Variants in OXSR1 observed in about 807,000 individuals in gnomAD.
OXSR1 encodes oxidative stress responsive kinase 1.
Under a neutral mutation model 79.8 loss-of-function variants are expected in OXSR1, and 24 were observed. The observed-to-expected ratio is 0.30, with a 90% CI of 0.22 to 0.42. The LOEUF is 0.42. Ranked by LOEUF, OXSR1 falls within the 10% of genes least tolerant of loss-of-function variation. The pLI is 1.00. For missense variants in OXSR1, 430 were observed against 618.4 expected (o/e 0.70, Z 3.23); for synonymous variants, 226 against 209.2 (o/e 1.08, Z -0.69).
chr3:38,184,899 A>ATTTGTTTTTTTTTTTTTTT (rs1701850921), intron 2 of OXSR1, among the ~76,000 whole-genome samples: 1 of 72,742 alleles, frequency 1.4e-5, no homozygotes, highest in African/African-American at 5.1e-5. Context: ...TAGAAAGAAC[A>ATTTGTTTTTTTTTTTTTTT]TTTCTTTTTT....
chr3:38,254,849 G>C lies in OXSR1; in HGVS notation c.*1958G>C, dbSNP rs978366814. The stretch of plus-strand genomic sequence containing the variant: ...GGGAGTGAGCAGCAGCCCATCCCCT[G>C]TTCACTTTCTCTAGCCCATCATTAC... On this transcript the variant is annotated 3_prime_UTR_variant, in exon 18 of 18. Coordinates refer to ENST00000311806, the MANE Select transcript of OXSR1 (RefSeq NM_005109.3). 1 of 152,482 alleles carries C rather than the reference G, an allele frequency of 6.6e-6. No individual in the cohort carries two copies. The highest frequency in any genetic ancestry group is 2.4e-5 in the African/African-American group (1 of 41,370). The allele number at this position is 152,482 out of a possible 1,614,324, so 9.4% of individuals were successfully genotyped here. A position where few individuals can be genotyped will look rare whatever the true frequency, so the allele number is the denominator to read the frequency against.
At chr3:38,199,211 T>C (rs1488991091) in intron 4 of OXSR1, among the ~76,000 whole-genome samples, 1 of 152,080 alleles carries the variant, frequency 6.6e-6, no homozygotes, top group Non-Finnish European at 1.5e-5. Context: ...ATATTTTCAG[T>C]ATTTCCCTAA....
upstream of OXSR1, among the ~76,000 whole-genome samples, chr3:38,164,888 T>C (rs1453050361): frequency 6.6e-6 from 1 of 151,866 alleles, no homozygotes; most frequent in East Asian, 1.9e-4. Flanking sequence ...CCAGGCAAAC[T>C]TCCAGTTTCA....
intron 2 of OXSR1, among the ~76,000 whole-genome samples, chr3:38,186,637 CTT>C (rs1701891126): frequency 6.6e-6 from 1 of 152,086 alleles, no homozygotes; most frequent in Non-Finnish European, 1.5e-5. Flanking sequence ...TGTATCAGTT[CTT>C]TTTTCCTTTT....
chr3:38,186,758 T>C (rs1044212304), intron 2 of OXSR1, among the ~76,000 whole-genome samples: 1 of 152,216 alleles, frequency 6.6e-6, no homozygotes, highest in African/African-American at 2.4e-5. Flanking sequence ...ATCAGTAATA[T>C]TGTGATGAAC....
intron 4 of OXSR1, among the ~76,000 whole-genome samples, chr3:38,205,076 C>G (rs1034160159): frequency 1.3e-5 from 2 of 152,088 alleles, no homozygotes; most frequent in African/African-American, 4.8e-5. Context: ...CCTGGTGTTG[C>G]GTTCTGCTGT....
chr3:38,199,988 A>G (rs974560270), intron 4 of OXSR1, among the ~76,000 whole-genome samples: 9 of 152,086 alleles, frequency 5.9e-5, no homozygotes, highest in Non-Finnish European at 1.0e-4. Flanking sequence ...GAGTGGGGAA[A>G]CACTGGACCT....
intron 4 of OXSR1, among the ~76,000 whole-genome samples, chr3:38,214,866 T>G (rs1458114487): frequency 6.6e-6 from 1 of 152,182 alleles, no homozygotes; most frequent in African/African-American, 2.4e-5. Context: ...TATCTAAACA[T>G]GGAGGAAAAA....
intron 11 of OXSR1, among the ~76,000 whole-genome samples, chr3:38,241,442 G>A (rs940538922): frequency 1.3e-5 from 2 of 152,062 alleles, no homozygotes; most frequent in African/African-American, 4.8e-5. Context: ...TGACATTTAC[G>A]CTATAAATTA....
At position 38,197,031 on chromosome 3, in the gene OXSR1, T is replaced by C. The variant is rs189099881; in HGVS notation, c.293-1691T>C. On this transcript the variant is annotated intron_variant, in intron 3 of 17. Transcript: ENST00000311806. ...TTGTTTTCTTACTAAGCAGTACTTA[T>C]GTGGCCTGGATTTCCTGAACGGTGA... Among the ~76,000 whole-genome samples the C allele has an allele frequency of 5.3e-5, 8 of 152,380 alleles. No individual in the cohort carries two copies. In the East Asian group the frequency reaches 1.2e-3, roughly 22 times the overall value.
At chr3:38,166,052 C>T in intron 1 of OXSR1, 106 bp downstream of exon 1, 2 of 960,812 alleles carry the variant, frequency 2.1e-6, no homozygotes, top group South Asian at 2.8e-5. Context: ...CATAGGAATT[C>T]GTGGGGCGCT....
chr3:38,204,912 C>T (rs1376269660), intron 4 of OXSR1, among the ~76,000 whole-genome samples: 3 of 152,114 alleles, frequency 2.0e-5, no homozygotes, highest in African/African-American at 7.2e-5. Context: ...TCTTTGTAGC[C>T]TTGACTGCCT....
At chr3:38,176,387 C>T (rs1701677234) in intron 1 of OXSR1, among the ~76,000 whole-genome samples, 2 of 152,068 alleles carry the variant, frequency 1.3e-5, no homozygotes, top group South Asian at 4.1e-4. Flanking sequence ...TCTTCCATAT[C>T]GTATTTACAT....
At chr3:38,196,663 T>C (rs767755992) in intron 3 of OXSR1, among the ~76,000 whole-genome samples, 1 of 152,356 alleles carries the variant, frequency 6.6e-6, no homozygotes, top group Non-Finnish European at 1.5e-5. Flanking sequence ...TCTAAAAGTT[T>C]GAAAAGGAGT....
chr3:38,205,729 TG>T (rs1291374409), intron 4 of OXSR1, among the ~76,000 whole-genome samples: 5 of 152,182 alleles, frequency 3.3e-5, no homozygotes, highest in Non-Finnish European at 7.3e-5. Context: ...CCAGTCATCG[TG>T]GTCTGTCTGC....
At chr3:38,210,717 T>C (rs1318889521) in intron 4 of OXSR1, among the ~76,000 whole-genome samples, 1 of 152,232 alleles carries the variant, frequency 6.6e-6, no homozygotes, top group African/African-American at 2.4e-5. Context: ...ACTGTAATTC[T>C]ATCTTCCTGT....
chr3:38,173,531 T>C (rs1008307764), intron 1 of OXSR1, among the ~76,000 whole-genome samples: 2 of 152,336 alleles, frequency 1.3e-5, no homozygotes, highest in Admixed American at 6.5e-5. Flanking sequence ...GGAATTATTG[T>C]AATGATTAGA....
rs1035249177 is a variant in OXSR1, at chr3:38,168,965, C to G, written c.70+3019C>G. On this transcript the variant is annotated intron_variant, in intron 1 of 17. Coordinates refer to ENST00000311806, the MANE Select transcript of OXSR1 (RefSeq NM_005109.3). The stretch of plus-strand genomic sequence containing the variant: ...CACCCCATGAATATGTTTCATTTTT[C>G]TTGGATGTATACCCAGGAGTGGAAT... Among the ~76,000 whole-genome samples the G allele has an allele frequency of 2.6e-5, 4 of 152,178 alleles. No homozygotes were observed. The East Asian group carries it at 7.7e-4, about 29-fold the overall frequency.
chr3:38,205,095 A>G (rs1027467507), intron 4 of OXSR1, among the ~76,000 whole-genome samples: 1 of 152,080 alleles, frequency 6.6e-6, no homozygotes, highest in Admixed American at 6.5e-5. Context: ...GTGGCAGAGC[A>G]GCACTGAGTT....
Sources: allele counts gnomAD v4.1 joint callset (sites outside exome capture counted in the v4.1 genomes callset), GRCh38; gene constraint gnomAD v4.1.1; transcripts MANE v1.5; gene names NCBI Gene and HGNC (gene_info 2026-07-23, HGNC 2026-07-21).